Variants in ILDR2 observed in about 807,000 individuals in gnomAD.
ILDR2 encodes the protein immunoglobulin-like domain-containing receptor 2.
Under a neutral mutation model 66.8 loss-of-function variants are expected in ILDR2, and 25 were observed. That is an observed-to-expected ratio of 0.37 (90% confidence interval 0.27 to 0.52). ILDR2 has a LOEUF of 0.52. Ranked by LOEUF, ILDR2 falls within the 20% of genes least tolerant of loss-of-function variation. ILDR2 has a pLI of 0.88. For synonymous variants in ILDR2, 367 were observed against 357.2 expected (o/e 1.03, Z -0.31); for missense variants, 827 against 876.8 (o/e 0.94, Z 0.72).
intron 6 of ILDR2, among the ~76,000 whole-genome samples, chr1:166,931,330 G>A (rs775890524): frequency 4.9e-4 from 74 of 152,122 alleles, no homozygotes; most frequent in Non-Finnish European, 1.0e-3. Context: ...ATCTTAATAA[G>A]CTAAGTAAAG....
chr1:166,914,822 C>T lies in ILDR2; in HGVS notation c.*4533G>A, dbSNP rs1055525736. 6.6e-5 allele frequency: 10 copies of T among 152,146 alleles called. No homozygotes were observed. The highest frequency in any genetic ancestry group is 5.9e-4 in the Admixed American group (9 of 15,278). 9.4% of individuals were successfully genotyped at this position (152,146 alleles called of 1,614,324 possible). A position where few individuals can be genotyped will look rare whatever the true frequency, so the allele number is the denominator to read the frequency against. On this transcript the variant is annotated 3_prime_UTR_variant, in exon 10 of 10. Coordinates refer to ENST00000271417, the MANE Select transcript of ILDR2 (RefSeq NM_199351.3). Reference sequence around the variant, plus strand: ...TTTTAGTGAATTTGGATTTCTACATCCTATCAATCAATTTCAGACTTCCAT... The same window carrying T: ...TTTTAGTGAATTTGGATTTCTACATTCTATCAATCAATTTCAGACTTCCAT...
At chr1:166,932,535 G>A (rs1660696447) in intron 6 of ILDR2, among the ~76,000 whole-genome samples, 1 of 152,152 alleles carries the variant, frequency 6.6e-6, no homozygotes, top group African/African-American at 2.4e-5. Context: ...GTGGGAACAG[G>A]GCGGAGTGTG....
chr1:166,947,634 C>T (rs1165279774), intron 3 of ILDR2, among the ~76,000 whole-genome samples: 1 of 152,112 alleles, frequency 6.6e-6, no homozygotes, highest in Non-Finnish European at 1.5e-5. Flanking sequence ...TTTCTCGGTG[C>T]CACCCACTCT....
chr1:166,970,704 A>G (rs997462610), intron 1 of ILDR2, among the ~76,000 whole-genome samples: 2 of 152,182 alleles, frequency 1.3e-5, no homozygotes, highest in East Asian at 1.9e-4. Flanking sequence ...ACTCAATTCT[A>G]TATAAACTAG....
intron 1 of ILDR2, among the ~76,000 whole-genome samples, chr1:166,965,569 T>TG (rs1553232638): frequency 9.7e-4 from 93 of 95,974 alleles, no homozygotes; most frequent in Non-Finnish European, 1.9e-3. Context: ...AGTTAGGTTT[T>TG]GTTTTTTTTT....
chr1:166,931,788 C>T (rs1210277856), intron 6 of ILDR2, among the ~76,000 whole-genome samples: 1 of 152,146 alleles, frequency 6.6e-6, no homozygotes, highest in African/African-American at 2.4e-5. Context: ...GAAGTCTCTG[C>T]TTCTGGTTTG....
chr1:166,931,660 G>C (rs894681443), intron 6 of ILDR2, among the ~76,000 whole-genome samples: 1 of 152,146 alleles, frequency 6.6e-6, no homozygotes, highest in African/African-American at 2.4e-5. Context: ...CAAGGACTAG[G>C]ACAGTTTCAG....
At chr1:166,920,606 C>T (rs1659858537) in intron 9 of ILDR2, 101 bp downstream of exon 9, 3 of 1,268,556 alleles carry the variant, frequency 2.4e-6, no homozygotes, top group Non-Finnish European at 2.0e-6. Flanking sequence ...AGGACCCTCC[C>T]GCCTCGCCAC....
Position 166,922,583 on chromosome 1 carries a change from C to T in ILDR2, c.1211+10G>A, listed in dbSNP as rs1218081430. 3.1e-6 allele frequency: 5 copies of T among 1,612,296 alleles called. No individual in the cohort carries two copies. The highest frequency in any genetic ancestry group is 4.2e-6 in the Non-Finnish European group (5 of 1,179,176). ...TCACACCGACCAGACCTGCCCCTCA[C>T]AGCCATCACCTGTGCCTGAAGCTCT... On this transcript the variant is annotated intron_variant, in intron 8 of 9. Coordinates refer to ENST00000271417, the MANE Select transcript of ILDR2 (RefSeq NM_199351.3).
In ILDR2 at chr1:166,971,045, C is replaced by T. The variant is rs187461517; in HGVS notation, c.46+4178G>A. Among the ~76,000 whole-genome samples the T allele has an allele frequency of 3.8e-4, 58 of 152,330 alleles. No individual in the cohort carries two copies. In the East Asian group the frequency reaches 0.011, roughly 28 times the overall value. ...CTATCCTTCAGTCACCAGGTGTCTA[C>T]CTGAACATGAAACCAGACCAACTAA... On this transcript the variant is annotated intron_variant, in intron 1 of 9. Coordinates refer to ENST00000271417, the MANE Select transcript of ILDR2 (RefSeq NM_199351.3).
Position 166,909,980 on chromosome 1 carries a change from TCTC to T in ILDR2, c.*9372_*9374del, listed in dbSNP as rs1208234431. Reference sequence around the variant, plus strand: ...AAGTGTTTTAACATGTCTGGAATTTTCTCCTCTGCTTGGTTTTTAGAGACAGTG... The same window carrying T: ...AAGTGTTTTAACATGTCTGGAATTTTCTCTGCTTGGTTTTTAGAGACAGTG... On this transcript the variant is annotated 3_prime_UTR_variant, in exon 10 of 10. Coordinates refer to ENST00000271417, the MANE Select transcript of ILDR2 (RefSeq NM_199351.3). The T allele has an allele frequency of 6.6e-6, 1 of 151,522 alleles. No homozygotes were observed. Among genetic ancestry groups the T allele is most frequent in the East Asian group, 1.9e-4 (1 of 5,158 alleles). 9.4% of individuals were successfully genotyped at this position (151,522 alleles called of 1,614,324 possible). A position where few individuals can be genotyped will look rare whatever the true frequency, so the allele number is the denominator to read the frequency against.
intron 3 of ILDR2, chr1:166,943,773 C>A: frequency 1.0e-6 from 1 of 972,710 alleles, no homozygotes; most frequent in Non-Finnish European, 1.2e-6. Flanking sequence ...AGCACTTTAC[C>A]AACACTTGTG....
chr1:166,932,353 T>A (rs1217996262), intron 6 of ILDR2, among the ~76,000 whole-genome samples: 1 of 152,202 alleles, frequency 6.6e-6, no homozygotes, highest in East Asian at 1.9e-4. Context: ...ACATTTAATA[T>A]TCAAAACTCT....
chr1:166,960,485 T>C (rs1454486414), intron 1 of ILDR2, among the ~76,000 whole-genome samples: 1 of 152,204 alleles, frequency 6.6e-6, no homozygotes, highest in East Asian at 1.9e-4. Context: ...ACCTATAGAA[T>C]GAGCACCATA....
intron 6 of ILDR2, among the ~76,000 whole-genome samples, chr1:166,929,992 G>T: frequency 6.6e-6 from 1 of 152,112 alleles, no homozygotes; most frequent in Non-Finnish European, 1.5e-5. Context: ...AATTTCTGAA[G>T]CACTGTTATG....
At position 166,910,283 on chromosome 1, in the gene ILDR2, G is replaced by A. The variant is rs1185178679; in HGVS notation, c.*9072C>T. 6.6e-6 allele frequency: 1 copy of A among 152,024 alleles called. No homozygotes were observed. The highest frequency in any genetic ancestry group is 1.9e-4 in the East Asian group (1 of 5,182). The allele number at this position is 152,024 out of a possible 1,614,324, so 9.4% of individuals were successfully genotyped here. A position where few individuals can be genotyped will look rare whatever the true frequency, so the allele number is the denominator to read the frequency against. On this transcript the variant is annotated 3_prime_UTR_variant, in exon 10 of 10. Transcript: ENST00000271417. ...CTTGATCCCAAGCAAAAACCTCATG[G>A]TTTTCCCCACATTATATCCACAGAA...
At chr1:166,952,486 G>GTGGTTGTCCTCCCATTTC (rs1348953952) in intron 3 of ILDR2, among the ~76,000 whole-genome samples, 1 of 152,184 alleles carries the variant, frequency 6.6e-6, no homozygotes, top group Non-Finnish European at 1.5e-5. Context: ...TGTTGAATCA[G>GTGGTTGTCCTCCCATTTC]TGGTTGTCCT....
chr1:166,912,487 AAAAACCTAAATGGAATT>A lies in ILDR2; in HGVS notation c.*6851_*6867del, dbSNP rs1659493600. ...AAAACAAAAATATTTTATAAAGCTGAAAAACCTAAATGGAATTAAAACACAAAATAATACAAAATCCA... is the reference window on the plus strand; with the variant it reads ...AAAACAAAAATATTTTATAAAGCTGAAAAACACAAAATAATACAAAATCCA... On this transcript the variant is annotated 3_prime_UTR_variant, in exon 10 of 10. Coordinates refer to ENST00000271417, the MANE Select transcript of ILDR2 (RefSeq NM_199351.3). 1 of 152,208 alleles carries A rather than the reference AAAAACCTAAATGGAATT, an allele frequency of 6.6e-6. No individual in the cohort carries two copies. Among genetic ancestry groups the A allele is most frequent in the Non-Finnish European group, 1.5e-5 (1 of 68,024 alleles). 9.4% of individuals were successfully genotyped at this position (152,208 alleles called of 1,614,324 possible).
chr1:166,965,739 A>ATTT (rs77159878), intron 1 of ILDR2, among the ~76,000 whole-genome samples: 452 of 144,942 alleles, frequency 3.1e-3, no homozygotes, highest in Non-Finnish European at 4.7e-3. Context: ...TGCCCAGCTA[A>ATTT]TTTTTTTTTT....
Sources: allele counts gnomAD v4.1 joint callset (sites outside exome capture counted in the v4.1 genomes callset), GRCh38; gene constraint gnomAD v4.1.1; transcripts MANE v1.5; gene names NCBI Gene and HGNC (gene_info 2026-07-23, HGNC 2026-07-21).